The following SDHA variants were observed in gnomAD, a reference collection of about 807,000 sequenced individuals.
The protein encoded by SDHA is succinate dehydrogenase complex flavoprotein subunit A, also known as succinate dehydrogenase [ubiquinone] flavoprotein subunit, mitochondrial.
A neutral mutation model predicts 78.4 loss-of-function variants in SDHA; 48 were observed. That is an observed-to-expected ratio of 0.61 (90% CI 0.49 to 0.78). SDHA has a LOEUF of 0.78. SDHA is among the 30% of genes least tolerant of loss of function. SDHA has a pLI of 0.00. For synonymous variants in SDHA, 326 were observed against 353.9 expected (o/e 0.92, Z 0.88); for missense variants, 680 against 892.7 (o/e 0.76, Z 3.04).
intron 7 of SDHA, among the ~76,000 whole-genome samples, chr5:231,650 G>A (rs7714944): frequency 0.24 from 36,582 of 151,618 alleles, 6,918 homozygotes; most frequent in African/African-American, 0.53. Context: ...AGGTCTTCTC[G>A]TTAGCTGTGG....
At chr5:263,837 C>A in the SDHA span, among the ~76,000 whole-genome samples, 1 of 143,784 alleles carries the variant, frequency 7.0e-6, no homozygotes, top group Non-Finnish European at 1.5e-5. Context: ...TGCCCTTTGA[C>A]TCAGCAATTC....
chr5:251,625 C>T, intron 13 of SDHA, 157 bp downstream of exon 13: 1 of 1,537,618 alleles, frequency 6.5e-7, no homozygotes. Flanking sequence ...TCCCTGGGTT[C>T]TCGCCATCTT....
the SDHA span, among the ~76,000 whole-genome samples, chr5:266,017 A>T: frequency 1.1e-5 from 1 of 94,768 alleles, no homozygotes; most frequent in African/African-American, 9.7e-5. Flanking sequence ...ACCCCACCCC[A>T]GACCTTCCGA....
At chr5:248,756 A>C (rs371476010) in intron 11 of SDHA, among the ~76,000 whole-genome samples, 190 of 152,324 alleles carry the variant, frequency 1.2e-3, no homozygotes, top group African/African-American at 4.4e-3. Context: ...TGATCTCCTA[A>C]GGGGATGTTT....
At position 224,687 on chromosome 5, in the gene SDHA, C is replaced by T. The variant is rs1442922630; in HGVS notation, c.312+166C>T. On this transcript the variant is annotated intron_variant, in intron 3 of 14. Transcript: ENST00000264932. ...CAGGGGTCTCTCCCTGGAGCCTCTTCCCTGGGGACTTTGAAGGGCGGGAGA... is the reference window on the plus strand; with the variant it reads ...CAGGGGTCTCTCCCTGGAGCCTCTTTCCTGGGGACTTTGAAGGGCGGGAGA... 5.7e-6 allele frequency: 4 copies of T among 696,978 alleles called. No homozygotes were observed. In the Admixed American group the frequency reaches 9.8e-5, roughly 17 times the overall value. 43.2% of individuals were successfully genotyped at this position (696,978 alleles called of 1,614,324 possible). A position where few individuals can be genotyped will look rare whatever the true frequency, so the allele number is the denominator to read the frequency against.
intron 10 of SDHA, among the ~76,000 whole-genome samples, chr5:239,220 G>C (rs1419066576): frequency 7.4e-6 from 1 of 135,998 alleles, no homozygotes; most frequent in African/African-American, 3.5e-5. Flanking sequence ...TATATATAAC[G>C]TTATAAAAAA....
chr5:228,154 C>T, intron 5 of SDHA, 31 bp from the exon 6 acceptor site: 1 of 1,601,434 alleles, frequency 6.2e-7, no homozygotes. Flanking sequence ...TGGCTTAACA[C>T]TTCTTGCCCT....
rs965355404 is a variant in SDHA, at chr5:232,960, C to A, written c.896-517C>A. Among the ~76,000 whole-genome samples the A allele has an allele frequency of 4.6e-5, 7 of 152,318 alleles. No homozygotes were observed. In the East Asian group the frequency reaches 1.3e-3, roughly 29 times the overall value. ...CTTGTCACTGAGAAAGGGGGTCGTA[C>A]TACCCAGAGTTGTTGTAAGACTTAA... On this transcript the variant is annotated intron_variant, in intron 7 of 14. Coordinates refer to ENST00000264932, the MANE Select transcript of SDHA (RefSeq NM_004168.4).
chr5:230,190 T>G (rs1309592649), intron 6 of SDHA, among the ~76,000 whole-genome samples: 1 of 137,602 alleles, frequency 7.3e-6, no homozygotes, highest in East Asian at 1.9e-4. Flanking sequence ...CTGTACACCA[T>G]AAATATATAG....
intron 11 of SDHA, among the ~76,000 whole-genome samples, chr5:245,909 T>C (rs1736418491): frequency 6.6e-6 from 1 of 152,184 alleles, no homozygotes; most frequent in African/African-American, 2.4e-5. Flanking sequence ...GAGTAATCTA[T>C]TTTCTATCCT....
intron 4 of SDHA, 156 bp from the exon 5 acceptor site, chr5:225,727 A>G: frequency 7.5e-7 from 1 of 1,336,314 alleles, no homozygotes; most frequent in Non-Finnish European, 1.1e-6. Flanking sequence ...ATTATATGTA[A>G]CAAGAAAACT....
At chr5:249,787 G>C (rs572840590) in intron 11 of SDHA, 1 of 152,308 alleles carries the variant, frequency 6.6e-6, no homozygotes, top group Admixed American at 6.5e-5. Flanking sequence ...AACCGAGCTG[G>C]TCTCAGCAGT....
intron 7 of SDHA, among the ~76,000 whole-genome samples, chr5:233,109 C>G (rs527516946): frequency 6.6e-6 from 1 of 152,214 alleles, no homozygotes; most frequent in African/African-American, 2.4e-5. Context: ...ATACTTCAAG[C>G]TAGTATTCTT....
At chr5:236,242 C>T in intron 9 of SDHA, 186 bp from the exon 10 acceptor site, 1 of 665,624 alleles carries the variant, frequency 1.5e-6, no homozygotes, top group East Asian at 2.8e-5. Context: ...CCAGACAGGT[C>T]TTGAACCCCT....
intron 1 of SDHA, among the ~76,000 whole-genome samples, chr5:219,325 TC>T (rs1362033943): frequency 6.6e-6 from 1 of 152,192 alleles, no homozygotes; most frequent in Non-Finnish European, 1.5e-5. Flanking sequence ...GAATCGGCCT[TC>T]TAGGGTTTTA....
At chr5:247,872 C>T (rs1475873729) in intron 11 of SDHA, among the ~76,000 whole-genome samples, 1 of 152,192 alleles carries the variant, frequency 6.6e-6, no homozygotes, top group Non-Finnish European at 1.5e-5. Flanking sequence ...TACTGGTATC[C>T]CTTATAATTC....
chr5:218,911 G>T (rs1424489138), intron 1 of SDHA, among the ~76,000 whole-genome samples: 1 of 152,210 alleles, frequency 6.6e-6, no homozygotes. Flanking sequence ...GGGTGAGACC[G>T]CCCGGGTGGG....
chr5:236,619 G>A lies in SDHA; in HGVS notation c.1432+20G>A, dbSNP rs200127852. 6.4e-7 allele frequency: 1 copy of A among 1,567,284 alleles called. No individual in the cohort carries two copies. The highest frequency in any genetic ancestry group is 8.8e-7 in the Non-Finnish European group (1 of 1,139,274). On this transcript the variant is annotated intron_variant, in intron 10 of 14. Transcript: ENST00000264932. Reference sequence around the variant, plus strand: ...GGCCTGGTAAGTGTTTTCTTCAGGAGCCAGACTATTTGAGAAGGCGCAGGA... The same window carrying A: ...GGCCTGGTAAGTGTTTTCTTCAGGAACCAGACTATTTGAGAAGGCGCAGGA...
the SDHA span, among the ~76,000 whole-genome samples, chr5:266,658 A>G: frequency 6.6e-6 from 1 of 152,214 alleles, no homozygotes; most frequent in Non-Finnish European, 1.5e-5. Flanking sequence ...AAAAGAAAGT[A>G]GAATATTGCC....
Sources: gnomAD v4.1 joint callset for allele counts (sites outside exome capture counted in the v4.1 genomes callset) on GRCh38, gnomAD v4.1.1 for gene constraint, MANE v1.5 for transcripts, NCBI Gene and HGNC (gene_info 2026-07-23, HGNC 2026-07-21) for gene names.